Variants in IRF2 observed in about 807,000 individuals in gnomAD.
The protein encoded by IRF2 is interferon regulatory factor 2.
In IRF2, 15 loss-of-function variants were observed where a neutral mutation model predicts 40.6. The observed-to-expected ratio is 0.37, with a 90% CI of 0.25 to 0.57. The LOEUF (loss-of-function observed/expected upper bound fraction) is 0.57. IRF2 is among the 20% of genes least tolerant of loss of function. The probability of loss-of-function intolerance (pLI) is 0.77; values close to 1 mark genes in which losing one functional copy is unlikely to be tolerated. For missense variants in IRF2, 317 were observed against 455.7 expected, an observed-to-expected ratio of 0.70 and a Z score of 2.77; for synonymous variants, 151 against 165.5, an observed-to-expected ratio of 0.91 and a Z score of 0.67.
intron 5 of IRF2, among the ~76,000 whole-genome samples, chr4:184,416,027 A>C (rs76908504): frequency 0.013 from 1,937 of 152,330 alleles, 50 homozygotes; most frequent in African/African-American, 0.044. Context: ...GGCCTTAAAA[A>C]TACAAACTCA....
chr4:184,411,179 T>C (rs1737060981), intron 5 of IRF2, among the ~76,000 whole-genome samples: 1 of 151,878 alleles, frequency 6.6e-6, no homozygotes, highest in Non-Finnish European at 1.5e-5. Flanking sequence ...TGCCTCAGCC[T>C]CCCAAGTAGC....
intron 6 of IRF2, among the ~76,000 whole-genome samples, chr4:184,404,543 A>G (rs1736781057): frequency 6.6e-6 from 1 of 152,158 alleles, no homozygotes. Flanking sequence ...CCATTTTATA[A>G]ATAATTATAT....
chr4:184,428,952 A>G (rs752189644), intron 2 of IRF2, 26 bp downstream of exon 2: 38 of 1,590,314 alleles, frequency 2.4e-5, no homozygotes, highest in South Asian at 2.3e-4. Flanking sequence ...CCTCTCTCAC[A>G]CATACACCCA....
intron 7 of IRF2, among the ~76,000 whole-genome samples, chr4:184,396,573 T>C (rs2149892290): frequency 6.6e-6 from 1 of 152,038 alleles, no homozygotes; most frequent in Middle Eastern, 3.4e-3. Context: ...TGGCTGGGAC[T>C]ACGGGCACAT....
chr4:184,395,599 G>A (rs1736425861), intron 7 of IRF2, among the ~76,000 whole-genome samples: 1 of 152,156 alleles, frequency 6.6e-6, no homozygotes, highest in African/African-American at 2.4e-5. Context: ...TTCTGACGGA[G>A]GAACTAAAAT....
chr4:184,389,079 T>C lies in IRF2; in HGVS notation c.742-13A>G, dbSNP rs530723816. 5.6e-6 allele frequency: 9 copies of C among 1,611,896 alleles called. 1 individual carries two copies. The South Asian group carries it at 8.8e-5, about 16-fold the overall frequency. On this transcript the variant is annotated splice_polypyrimidine_tract_variant and intron_variant, in intron 8 of 8. Coordinates refer to ENST00000393593, the MANE Select transcript of IRF2 (RefSeq NM_002199.4). ...AGTGTGGCCGCCCCTTTCAAGAAAG[T>C]AATTAAGATATGTATTTCCTTCTCC...
At chr4:184,463,432 T>C (rs997676771) in intron 1 of IRF2, among the ~76,000 whole-genome samples, 4 of 152,208 alleles carry the variant, frequency 2.6e-5, no homozygotes, top group African/African-American at 7.2e-5. Flanking sequence ...AAAGGACACA[T>C]TGGATTTTAA....
intron 1 of IRF2, among the ~76,000 whole-genome samples, chr4:184,469,921 T>C (rs1183907773): frequency 6.6e-6 from 1 of 152,170 alleles, no homozygotes; most frequent in Non-Finnish European, 1.5e-5. Context: ...CTATAAAAAA[T>C]ACTGTCTTCA....
rs186718764 is a variant in IRF2 at position 184,437,213 on chromosome 4, G to A, written c.-6-8143C>T. Among the ~76,000 whole-genome samples the A allele has an allele frequency of 1.1e-3, 169 of 152,182 alleles. 1 individual carries two copies. Among genetic ancestry groups the A allele is most frequent in the African/African-American group, 3.9e-3 (160 of 41,520 alleles). On this transcript the variant is annotated intron_variant, in intron 1 of 8. Transcript: ENST00000393593. ...TGAGATTACAGGCATGCGCCACCAC[G>A]CCCAGCTAATTTTTTTGTATTTTTA...
chr4:184,429,365 G>A (rs1235182946), intron 1 of IRF2, among the ~76,000 whole-genome samples: 2 of 152,202 alleles, frequency 1.3e-5, no homozygotes, highest in African/African-American at 4.8e-5. Flanking sequence ...CCTAGAGGGA[G>A]GCTTTATCCC....
chr4:184,461,529 A>G (rs1454916284), intron 1 of IRF2, among the ~76,000 whole-genome samples: 2 of 152,154 alleles, frequency 1.3e-5, no homozygotes, highest in African/African-American at 4.8e-5. Flanking sequence ...CAGACCATCT[A>G]CCTACCTGGC....
At chr4:184,470,704 AGAAAAG>A (rs1561134275) in intron 1 of IRF2, among the ~76,000 whole-genome samples, 4 of 11,806 alleles carry the variant, frequency 3.4e-4, no homozygotes, top group Non-Finnish European at 7.6e-4. Context: ...AAAAAAAAAA[AGAAAAG>A]AAAAAAAAGG....
chr4:184,423,258 G>C (rs914038061), intron 2 of IRF2, among the ~76,000 whole-genome samples: 1 of 152,180 alleles, frequency 6.6e-6, no homozygotes, highest in Admixed American at 6.5e-5. Flanking sequence ...GCTGTGTATA[G>C]ACAGACGCGC....
intron 1 of IRF2, among the ~76,000 whole-genome samples, chr4:184,464,149 T>C (rs552917309): frequency 5.3e-5 from 8 of 152,030 alleles, no homozygotes; most frequent in South Asian, 2.1e-4. Flanking sequence ...ATTTAGGACA[T>C]GATGATAGGG....
chr4:184,439,644 T>C (rs1738225439), intron 1 of IRF2, among the ~76,000 whole-genome samples: 2 of 152,168 alleles, frequency 1.3e-5, no homozygotes, highest in South Asian at 2.1e-4. Context: ...AGGCTGAAAA[T>C]CATCCAGATT....
At chr4:184,456,722 T>C (rs1738951084) in intron 1 of IRF2, among the ~76,000 whole-genome samples, 2 of 152,186 alleles carry the variant, frequency 1.3e-5, no homozygotes, top group Admixed American at 1.3e-4. Flanking sequence ...AAATAACAAT[T>C]GGAGGACCAA....
chr4:184,464,134 C>T (rs977711882), intron 1 of IRF2, among the ~76,000 whole-genome samples: 2 of 151,548 alleles, frequency 1.3e-5, no homozygotes, highest in Non-Finnish European at 2.9e-5. Flanking sequence ...ATGAAGACAG[C>T]GACCATTTAG....
Position 184,388,642 on chromosome 4 carries a change from A to C in IRF2, c.*116T>G, listed in dbSNP as rs1364398196. 4.3e-5 allele frequency: 47 copies of C among 1,088,014 alleles called. No individual in the cohort carries two copies. Among genetic ancestry groups the C allele is most frequent in the Non-Finnish European group, 6.1e-5 (46 of 748,380 alleles). The allele number at this position is 1,088,014 out of a possible 1,614,324, so 67.4% of individuals were successfully genotyped here. ...ACACAGCAATCAATGTTCTATTGTC[A>C]AGGCTTTTTCCCTTAGATTTGTCTA... On this transcript the variant is annotated 3_prime_UTR_variant, in exon 9 of 9. Coordinates refer to ENST00000393593, the MANE Select transcript of IRF2 (RefSeq NM_002199.4). This position sits in a 1 kb window ranked among gnomAD's most constrained non-coding sequence, Gnocchi z 4.6.
chr4:184,433,320 C>T (rs1347681763), intron 1 of IRF2, among the ~76,000 whole-genome samples: 2 of 152,160 alleles, frequency 1.3e-5, no homozygotes, highest in Non-Finnish European at 2.9e-5. Flanking sequence ...AGAAGCAAAG[C>T]TCTAGAGTCC....
Sources: allele counts gnomAD v4.1 joint callset (sites outside exome capture counted in the v4.1 genomes callset), GRCh38; gene constraint gnomAD v4.1.1; non-coding constraint Gnocchi (gnomAD v3.1); transcripts MANE v1.5; gene names NCBI Gene and HGNC (gene_info 2026-07-23, HGNC 2026-07-21).